The following SOX6 variants were observed in gnomAD, a reference collection of about 807,000 sequenced individuals.
SOX6 encodes transcription factor SOX-6.
SOX6 carries 11 observed loss-of-function variants against 97.8 expected under a neutral mutation model. That is an observed-to-expected ratio of 0.11 (90% CI 0.07 to 0.19). The LOEUF is 0.19. SOX6 is among the 10% of genes least tolerant of loss of function. The pLI, the probability that SOX6 is intolerant of heterozygous loss-of-function variation, is 1.00. For synonymous variants in SOX6, 360 were observed against 371.4 expected (o/e 0.97, Z 0.35); for missense variants, 810 against 1,039.5 (o/e 0.78, Z 3.04).
chr11:16,728,550 C>T (rs1213135915), intron 2 of SOX6, among the ~76,000 whole-genome samples: 15 of 152,200 alleles, frequency 9.9e-5, no homozygotes, highest in Admixed American at 8.5e-4. Context: ...ACGGAAACGA[C>T]GTCCACACAG....
At chr11:16,524,428 A>G (rs1473435619) in intron 4 of SOX6, among the ~76,000 whole-genome samples, 2 of 151,946 alleles carry the variant, frequency 1.3e-5, no homozygotes, top group African/African-American at 2.4e-5. Context: ...AAATTCAACA[A>G]CCCTTCATGC....
At chr11:16,223,410 T>C (rs535681175) in intron 4 of SOX6, among the ~76,000 whole-genome samples, 1 of 152,238 alleles carries the variant, frequency 6.6e-6, no homozygotes, top group African/African-American at 2.4e-5. Context: ...TTCTAAGTTA[T>C]AGAAGTTCTT....
chr11:16,290,274 T>G (rs1854876923), intron 3 of SOX6, among the ~76,000 whole-genome samples: 2 of 151,982 alleles, frequency 1.3e-5, no homozygotes, highest in African/African-American at 4.8e-5. Context: ...AGCTTTCAAG[T>G]TTTCTTAGTT....
intron 9 of SOX6, among the ~76,000 whole-genome samples, chr11:16,059,943 C>A (rs1847905816): frequency 6.6e-6 from 1 of 151,834 alleles, no homozygotes; most frequent in Non-Finnish European, 1.5e-5. Context: ...AACATGTTGA[C>A]TATATAGTCC....
At chr11:16,217,870 A>G (rs1590038460) in intron 4 of SOX6, among the ~76,000 whole-genome samples, 2 of 152,118 alleles carry the variant, frequency 1.3e-5, no homozygotes, top group East Asian at 3.9e-4. Flanking sequence ...AGATTCAGCT[A>G]TGAAAATAAA....
chr11:16,594,684 CTTTTTTTTTTTTTTTT>C (rs10653599), intron 4 of SOX6, among the ~76,000 whole-genome samples: 10 of 68,266 alleles, frequency 1.5e-4, no homozygotes, highest in Non-Finnish European at 1.9e-4. Context: ...TCGGTTTTTG[CTTTTTTTTTTTTTTTT>C]TTTTTTTTTA....
intron 12 of SOX6, among the ~76,000 whole-genome samples, chr11:16,018,283 G>A (rs914222212): frequency 5.9e-5 from 9 of 152,146 alleles, no homozygotes; most frequent in African/African-American, 1.7e-4. Flanking sequence ...CTAATTTCCA[G>A]AGTCACTGAA....
At chr11:16,395,182 G>A (rs61881760) in intron 1 of SOX6, among the ~76,000 whole-genome samples, 1,726 of 151,882 alleles carry the variant, frequency 0.011, 21 homozygotes, top group South Asian at 0.041. Flanking sequence ...GTGCAAGACC[G>A]TGTGTGCTAC....
chr11:16,523,343 C>A (rs991578044), intron 4 of SOX6, among the ~76,000 whole-genome samples: 1 of 152,136 alleles, frequency 6.6e-6, no homozygotes, highest in Non-Finnish European at 1.5e-5. Flanking sequence ...CAAAACCGCT[C>A]AACTACATGG....
At chr11:16,689,099 G>T (rs78552028) in intron 3 of SOX6, among the ~76,000 whole-genome samples, 1 of 152,010 alleles carries the variant, frequency 6.6e-6, no homozygotes, top group African/African-American at 2.4e-5. Flanking sequence ...AACCTGTTTT[G>T]TCATTGATTG....
chr11:16,567,553 A>ATTTTTTCTTTTTTTTTTTTTTTTTTTTT (rs1565182421), intron 4 of SOX6, among the ~76,000 whole-genome samples: 1 of 107,066 alleles, frequency 9.3e-6, no homozygotes. Flanking sequence ...GGTATGTCAT[A>ATTTTTTCTTTTTTTTTTTTTTTTTTTTT]TTTTTTTCTT....
At chr11:16,248,188 TG>T (rs1471903188) in intron 3 of SOX6, among the ~76,000 whole-genome samples, 16 of 152,196 alleles carry the variant, frequency 1.1e-4, no homozygotes, top group Non-Finnish European at 2.4e-4. Context: ...TCTGCCTCTG[TG>T]GCTTTGCAAG....
intron 12 of SOX6, among the ~76,000 whole-genome samples, chr11:16,015,535 A>G (rs1348873977): frequency 2.0e-5 from 3 of 152,038 alleles, no homozygotes; most frequent in Non-Finnish European, 2.9e-5. Context: ...AACCAGGCCA[A>G]CCAGAAGATG....
At chr11:16,029,522 G>A (rs775456507) in intron 12 of SOX6, among the ~76,000 whole-genome samples, 1 of 152,062 alleles carries the variant, frequency 6.6e-6, no homozygotes, top group Non-Finnish European at 1.5e-5. Flanking sequence ...TGTAATCCGA[G>A]GCACTCGGGA....
At chr11:16,029,325 G>C (rs570427906) in intron 12 of SOX6, among the ~76,000 whole-genome samples, 55 of 152,308 alleles carry the variant, frequency 3.6e-4, no homozygotes, top group Non-Finnish European at 6.6e-4. Flanking sequence ...CCGAGAGACA[G>C]TTCCTTCAGT....
At chr11:15,975,592 T>C (rs1255177356) in intron 15 of SOX6, among the ~76,000 whole-genome samples, 3 of 152,244 alleles carry the variant, frequency 2.0e-5, no homozygotes, top group African/African-American at 7.2e-5. Flanking sequence ...GCTCGTATTA[T>C]GTGCTGGGAA....
At chr11:16,077,873 G>A (rs894617285) in intron 9 of SOX6, among the ~76,000 whole-genome samples, 1 of 151,990 alleles carries the variant, frequency 6.6e-6, no homozygotes, top group African/African-American at 2.4e-5. Flanking sequence ...TTATTACCTG[G>A]GCGATGAAAT....
At chr11:16,523,119 C>T (rs1449083010) in intron 4 of SOX6, among the ~76,000 whole-genome samples, 1 of 152,126 alleles carries the variant, frequency 6.6e-6, no homozygotes, top group Non-Finnish European at 1.5e-5. Flanking sequence ...CTCAGCTCTG[C>T]ACCAAGTGGA....
Position 16,389,120 on chromosome 11 carries a change from A to G in SOX6, c.-4-47868T>C, listed in dbSNP as rs115327593. On this transcript the variant is annotated intron_variant, in intron 1 of 15. Coordinates refer to the SOX6 transcript ENST00000396356. ...TTTTAAGAGACAGGGTCTCACTCTG[A>G]CAACCAGGCAAGAGTGCAGTGGCAC... 7.2e-3 allele frequency among the ~76,000 whole-genome samples: 1,102 copies of G among 152,076 alleles called. 17 individuals carry two copies. Among genetic ancestry groups the G allele is most frequent in the African/African-American group, 0.024 (986 of 41,462 alleles).
Sources: gnomAD v4.1 joint callset for allele counts (sites outside exome capture counted in the v4.1 genomes callset) on GRCh38, gnomAD v4.1.1 for gene constraint, MANE v1.5 for transcripts, NCBI Gene and HGNC (gene_info 2026-07-23, HGNC 2026-07-21) for gene names.